The following DIAPH2 variants were observed in gnomAD, a reference collection of about 807,000 sequenced individuals.
The protein encoded by DIAPH2 is protein diaphanous homolog 2.
DIAPH2 carries 35 observed loss-of-function variants against 92.7 expected under a neutral mutation model. That is an observed-to-expected ratio of 0.38 (90% CI 0.29 to 0.50). DIAPH2 has a LOEUF of 0.50. Ranked by LOEUF, DIAPH2 falls within the 20% of genes least tolerant of loss-of-function variation. The probability of loss-of-function intolerance (pLI) is 0.94; values close to 1 mark genes in which losing one functional copy is unlikely to be tolerated. For missense variants in DIAPH2, 701 were observed against 819.5 expected (o/e 0.86, Z 1.77); for synonymous variants, 301 against 280.4 (o/e 1.07, Z -0.73).
At chrX:97,095,148 G>A (rs759967879) in intron 19 of DIAPH2, among the ~76,000 whole-genome samples, 18 of 63,229 alleles carry the variant, frequency 2.8e-4, no homozygotes, top group African/African-American at 8.5e-4. Flanking sequence ...ATGGAGTCTC[G>A]CTCTTTCACC....
chrX:96,689,825 C>T (rs1341862520), intron 1 of DIAPH2, among the ~76,000 whole-genome samples: 1 of 111,215 alleles, frequency 9.0e-6, no homozygotes, highest in Non-Finnish European at 1.9e-5. Flanking sequence ...GAATGGGTCC[C>T]ATTTTATGTC....
chrX:96,970,932 G>A (rs980812552), intron 17 of DIAPH2, among the ~76,000 whole-genome samples: 12 of 111,377 alleles, frequency 1.1e-4, no homozygotes, highest in African/African-American at 3.9e-4. Context: ...TTGGTATGTT[G>A]TGTCTCTTTT....
At chrX:96,816,951 G>A (rs1433069022) in intron 4 of DIAPH2, among the ~76,000 whole-genome samples, 1 of 111,882 alleles carries the variant, frequency 8.9e-6, no homozygotes, top group Non-Finnish European at 1.9e-5. Context: ...AGGACATTAT[G>A]TTAAGTGAAA....
chrX:97,292,982 T>A (rs183145583), intron 23 of DIAPH2, among the ~76,000 whole-genome samples: 3 of 111,003 alleles, frequency 2.7e-5, no homozygotes, highest in African/African-American at 9.8e-5. Context: ...CCACTCAAGC[T>A]TATTAAAGCC....
chrX:97,506,572 T>C (rs2070836392), intron 26 of DIAPH2, among the ~76,000 whole-genome samples: 1 of 109,429 alleles, frequency 9.1e-6, no homozygotes, highest in African/African-American at 3.3e-5. Context: ...ATTACATATT[T>C]ATCCATGAGT....
chrX:96,945,612 C>T, intron 14 of DIAPH2, 21 bp downstream of exon 14: 1 of 1,061,327 alleles, frequency 9.4e-7, no homozygotes, highest in South Asian at 2.4e-5. Flanking sequence ...AAAATATTAG[C>T]CATAATCGTT....
intron 23 of DIAPH2, among the ~76,000 whole-genome samples, chrX:97,297,356 A>G (rs983983602): frequency 3.6e-5 from 4 of 109,834 alleles, no homozygotes; most frequent in African/African-American, 9.9e-5. Flanking sequence ...GAAAAACAAT[A>G]TAACAATAGC....
intron 3 of DIAPH2, among the ~76,000 whole-genome samples, chrX:96,752,030 T>C (rs909342156): frequency 1.8e-5 from 2 of 112,044 alleles, no homozygotes; most frequent in African/African-American, 6.5e-5. Flanking sequence ...TTAAACATGC[T>C]AAAAGCTTGC....
chrX:97,217,063 T>C (rs2067889440), intron 22 of DIAPH2, among the ~76,000 whole-genome samples: 2 of 111,718 alleles, frequency 1.8e-5, no homozygotes, highest in Non-Finnish European at 3.8e-5. Context: ...TATGCTATAG[T>C]GTGAGTTAAA....
At chrX:96,839,926 G>A (rs1039728893) in intron 4 of DIAPH2, among the ~76,000 whole-genome samples, 3 of 111,883 alleles carry the variant, frequency 2.7e-5, no homozygotes, top group Non-Finnish European at 3.8e-5. Context: ...ATCTAGAGCA[G>A]AGCTGTCTAG....
intron 5 of DIAPH2, among the ~76,000 whole-genome samples, chrX:96,899,114 C>G (rs372372852): frequency 3.3e-4 from 37 of 110,622 alleles, no homozygotes; most frequent in African/African-American, 6.9e-4. Flanking sequence ...GTACCATGCT[C>G]TTTTGGTTAC....
intron 17 of DIAPH2, among the ~76,000 whole-genome samples, chrX:97,037,305 A>G (rs907283279): frequency 1.8e-5 from 2 of 110,927 alleles, no homozygotes; most frequent in Non-Finnish European, 3.8e-5. Flanking sequence ...TCTCAGACAT[A>G]TATGTATATT....
chrX:97,458,413 T>C (rs1168020472), intron 26 of DIAPH2, among the ~76,000 whole-genome samples: 2 of 109,236 alleles, frequency 1.8e-5, no homozygotes, highest in African/African-American at 6.7e-5. Context: ...CCAGTTTTTA[T>C]TGTTGAAGCA....
chrX:96,926,556 T>A (rs2065583109), intron 9 of DIAPH2, among the ~76,000 whole-genome samples: 1 of 111,285 alleles, frequency 9.0e-6, no homozygotes, highest in African/African-American at 3.3e-5. Context: ...AGAATGTAGA[T>A]GATTATTGTA....
At chrX:97,435,373 G>T (rs1455494310) in intron 26 of DIAPH2, among the ~76,000 whole-genome samples, 2 of 111,489 alleles carry the variant, frequency 1.8e-5, no homozygotes, top group Non-Finnish European at 3.8e-5. Flanking sequence ...CATACTGTTT[G>T]GGAAAACACG....
intron 17 of DIAPH2, among the ~76,000 whole-genome samples, chrX:97,032,430 C>T (rs2066382449): frequency 9.0e-6 from 1 of 111,099 alleles, no homozygotes; most frequent in African/African-American, 3.3e-5. Context: ...GGTTCTATTT[C>T]CTGAATTTAT....
chrX:97,414,795 A>T (rs1457821325), intron 25 of DIAPH2, among the ~76,000 whole-genome samples: 1 of 111,892 alleles, frequency 8.9e-6, no homozygotes, highest in East Asian at 2.8e-4. Context: ...CATTCAGGAC[A>T]TGGGCATGGG....
chrX:97,242,121 T>C (rs761268631), intron 22 of DIAPH2, among the ~76,000 whole-genome samples: 7 of 111,365 alleles, frequency 6.3e-5, no homozygotes, highest in Non-Finnish European at 1.3e-4. Context: ...TCTAGTGATA[T>C]CAACTGTCAA....
chrX:97,184,487 G>A (rs2067564754), intron 22 of DIAPH2, among the ~76,000 whole-genome samples: 1 of 111,660 alleles, frequency 9.0e-6, no homozygotes, highest in Non-Finnish European at 1.9e-5. Flanking sequence ...AAGTTTACCT[G>A]TTTTGCTCAT....
Sources: gnomAD v4.1 joint callset for allele counts (sites outside exome capture counted in the v4.1 genomes callset) on GRCh38, gnomAD v4.1.1 for gene constraint, MANE v1.5 for transcripts, NCBI Gene and HGNC (gene_info 2026-07-23, HGNC 2026-07-21) for gene names.